Variants in C10orf105 observed in about 807,000 individuals in gnomAD.
The protein encoded by C10orf105 is uncharacterized protein C10orf105.
Under a neutral mutation model 0.6 loss-of-function variants are expected in C10orf105, and 2 were observed. The observed-to-expected ratio is 3.18, with a 90% CI of 1.30 to 10.01. C10orf105 has a LOEUF of 10.01. C10orf105 is among the 30% of genes most tolerant of loss of function. C10orf105 has a pLI of 0.04. For synonymous variants in C10orf105, 95 were observed against 82.4 expected (o/e 1.15, Z -0.83); for missense variants, 209 against 191.4 (o/e 1.09, Z -0.54).
At chr10:71,723,885 A>ACACGTCCCCTTGTCTCC (rs1336205003), upstream of C10orf105, among the ~76,000 whole-genome samples, 2 of 152,104 alleles carry the variant, frequency 1.3e-5, no homozygotes, top group Non-Finnish European at 2.9e-5. Context: ...AGAAAGACAT[A>ACACGTCCCCTTGTCTCC]CACGTCCCCT....
intron 1 of C10orf105, among the ~76,000 whole-genome samples, chr10:71,727,392 C>T (rs1179944493): frequency 1.3e-5 from 2 of 152,228 alleles, no homozygotes; most frequent in East Asian, 3.8e-4. Context: ...GAGGGCTGGC[C>T]CCTGGGGCAG....
At chr10:71,720,760 G>T (rs1392736370), upstream of C10orf105, among the ~76,000 whole-genome samples, 3 of 152,202 alleles carry the variant, frequency 2.0e-5, no homozygotes, top group Non-Finnish European at 4.4e-5. Flanking sequence ...GTCCTCAGGG[G>T]TCATCTAACT....
intron 1 of C10orf105, chr10:71,734,181 T>C: frequency 3.5e-6 from 5 of 1,409,892 alleles, no homozygotes; most frequent in Non-Finnish European, 4.9e-6. Flanking sequence ...GTGGGCAGAA[T>C]GACCAGGGTT....
intron 1 of C10orf105, chr10:71,732,726 GGCTGGTATCC>G: frequency 8.4e-7 from 1 of 1,186,384 alleles, no homozygotes; most frequent in Non-Finnish European, 1.0e-6. Context: ...TACCTATGCA[GGCTGGTATCC>G]TTCTGTTTTT....
chr10:71,712,817 G>A lies in C10orf105; in HGVS notation c.*3119C>T. On this transcript the variant is annotated 3_prime_UTR_variant, in exon 2 of 2. Coordinates refer to ENST00000441508, the MANE Select transcript of C10orf105 (RefSeq NM_001164375.3). ...TGAAGGCCACAGCATCTTGCAGGCA[G>A]GTGGCCCGTGGCCTCTGGGGCAGGT... The A allele has an allele frequency of 6.2e-7, 1 of 1,609,998 alleles. No homozygotes were observed. The highest frequency in any genetic ancestry group is 8.5e-7 in the Non-Finnish European group (1 of 1,178,514).
At chr10:71,718,804 C>T (rs991155130) in intron 1 of C10orf105, among the ~76,000 whole-genome samples, 2 of 152,082 alleles carry the variant, frequency 1.3e-5, no homozygotes, top group African/African-American at 2.4e-5. Flanking sequence ...TGTTGGCTCT[C>T]ACCTGTAATC....
At chr10:71,730,391 C>A in intron 1 of C10orf105, 1 of 1,540,990 alleles carries the variant, frequency 6.5e-7, no homozygotes, top group Non-Finnish European at 8.8e-7. Flanking sequence ...CCACACAAGG[C>A]GGCCACAGTG....
upstream of C10orf105, chr10:71,724,172 C>A: frequency 2.0e-6 from 3 of 1,516,342 alleles, no homozygotes; most frequent in Non-Finnish European, 1.8e-6. Flanking sequence ...CTTCTCTAGG[C>A]TGCCAAAGGT....
chr10:71,712,674 C>T lies in C10orf105; in HGVS notation c.*3262G>A, dbSNP rs202101019. On this transcript the variant is annotated 3_prime_UTR_variant, in exon 2 of 2. Coordinates refer to ENST00000441508, the MANE Select transcript of C10orf105 (RefSeq NM_001164375.3). ...CCTTCAACTCCCACAGACAACGGCC[C>T]TGTAGGGAAGCGACACACGGGCACA... 133 of 1,613,634 alleles carry T rather than the reference C, an allele frequency of 8.2e-5. No individual in the cohort carries two copies. In the African/African-American group the frequency reaches 1.3e-3, roughly 16 times the overall value.
At chr10:71,716,513 T>C in intron 1 of C10orf105, 171 bp from the exon 2 acceptor site, 2 of 556,360 alleles carry the variant, frequency 3.6e-6, no homozygotes, top group South Asian at 5.2e-5. Flanking sequence ...ATCACAAGTC[T>C]AAGTGTACAC....
At chr10:71,730,646 G>C in intron 1 of C10orf105, 1 of 1,610,884 alleles carries the variant, frequency 6.2e-7, no homozygotes, top group Non-Finnish European at 8.5e-7. Context: ...ATTGCTCAGA[G>C]CAAACCTCCC....
At position 71,736,474 on chromosome 10, in the gene C10orf105, G is replaced by A. The variant is rs181226894; in HGVS notation, c.-6+1254C>T. On this transcript the variant is annotated intron_variant, in intron 1 of 1. Transcript: ENST00000398786. ...GACCAGAAGGGGCAGGCTGGGTAGGGCATGGCTCTGCTATAAGAGCTCTTG... is the reference window on the plus strand; with the variant it reads ...GACCAGAAGGGGCAGGCTGGGTAGGACATGGCTCTGCTATAAGAGCTCTTG... 9.3e-3 allele frequency among the ~76,000 whole-genome samples: 1,415 copies of A among 152,346 alleles called. 10 individuals are homozygous for A. The highest frequency in any genetic ancestry group is 0.014 in the Non-Finnish European group (952 of 68,026).
upstream of C10orf105, among the ~76,000 whole-genome samples, chr10:71,723,415 A>C (rs138057666): frequency 0.023 from 3,506 of 152,054 alleles, 141 homozygotes; most frequent in African/African-American, 0.081. Context: ...GTCCCCCCCC[A>C]CACACAAGCC....
chr10:71,733,011 A>G (rs1240222881), intron 1 of C10orf105, among the ~76,000 whole-genome samples: 1 of 152,118 alleles, frequency 6.6e-6, no homozygotes, highest in African/African-American at 2.4e-5. Flanking sequence ...GTCTCACAAA[A>G]CTGCCTCCAC....
At chr10:71,732,447 A>G in intron 1 of C10orf105, 1 of 1,536,866 alleles carries the variant, frequency 6.5e-7, no homozygotes, top group South Asian at 1.2e-5. Flanking sequence ...TTCTGTGTGC[A>G]CAGCACTCTC....
In C10orf105 at chr10:71,714,610, T is replaced by C. The variant is rs895436535; in HGVS notation, c.*1326A>G. The C allele has an allele frequency of 1.3e-5, 2 of 152,244 alleles. No homozygotes were observed. The highest frequency in any genetic ancestry group is 2.9e-5 in the Non-Finnish European group (2 of 68,072). 9.4% of individuals were successfully genotyped at this position (152,244 alleles called of 1,614,324 possible). A position where few individuals can be genotyped will look rare whatever the true frequency, so the allele number is the denominator to read the frequency against. On this transcript the variant is annotated 3_prime_UTR_variant, in exon 2 of 2. Transcript: ENST00000441508. ...GTTTTCCTGGAGTTTTGGATCAAGA[T>C]GAGGCTAGAAAGATTAATTGGAGCC...
At chr10:71,721,727 G>A (rs182092842), upstream of C10orf105, among the ~76,000 whole-genome samples, 78 of 152,258 alleles carry the variant, frequency 5.1e-4, 1 homozygote, top group East Asian at 0.014. Flanking sequence ...TCCTCGCTCT[G>A]CCTTCATACC....
rs542088298 is a variant in C10orf105 at position 71,729,162 on chromosome 10, C to T, written c.-6+8566G>A. Among the ~76,000 whole-genome samples, 9 of 152,276 alleles carry T rather than the reference C, an allele frequency of 5.9e-5. No homozygotes were observed. The East Asian group carries it at 1.5e-3, about 26-fold the overall frequency. On this transcript the variant is annotated intron_variant, in intron 1 of 1. Transcript: ENST00000398786. ...CATAAACACCTTTTAAACTGTATTA[C>T]GTTCATGATGTACAGTGCACACATT...
At chr10:71,720,029 C>G (rs1866477628), upstream of C10orf105, among the ~76,000 whole-genome samples, 1 of 152,224 alleles carries the variant, frequency 6.6e-6, no homozygotes, top group African/African-American at 2.4e-5. Context: ...CTCTGCGGCC[C>G]CATGGCGCTC....
Sources: gnomAD v4.1 joint callset for allele counts (sites outside exome capture counted in the v4.1 genomes callset) on GRCh38, gnomAD v4.1.1 for gene constraint, MANE v1.5 for transcripts, NCBI Gene and HGNC (gene_info 2026-07-23, HGNC 2026-07-21) for gene names.